CILP2: variants seen among roughly 807,000 people sequenced by gnomAD.
The protein encoded by CILP2 is cartilage intermediate layer protein 2, also known as CILP-2.
CILP2 carries 38 observed loss-of-function variants against 45.6 expected under a neutral mutation model. The observed-to-expected ratio is 0.83, with a 90% CI of 0.64 to 1.09. CILP2 has a LOEUF of 1.09. CILP2 is among the 50% of genes least tolerant of loss of function. The pLI, the probability that CILP2 is intolerant of heterozygous loss-of-function variation, is 0.00. For missense variants in CILP2, 1,735 were observed against 1,662.2 expected (o/e 1.04, Z -0.76); for synonymous variants, 780 against 723.5 (o/e 1.08, Z -1.25).
chr19:19,545,591 G>A lies in CILP2; in HGVS notation c.3046G>A (p.Gly1016Ser), dbSNP rs776697219. 8.1e-6 allele frequency: 13 copies of A among 1,609,340 alleles called. No individual in the cohort carries two copies. In the Admixed American group the frequency reaches 2.2e-4, roughly 27 times the overall value. Reference sequence around the variant, plus strand: ...GACGCTGGTGACCATTATGCCCCAGGGCAGCTGCCGGCGCGTGGCCGTCAA... The same window carrying A: ...GACGCTGGTGACCATTATGCCCCAGAGCAGCTGCCGGCGCGTGGCCGTCAA... ...DRTLVTIMPQ[G>S]SCRRVAVNGL... The change falls in exon 8 of 8, where the codon GGC becomes AGC. Residue 1016 changes from glycine (G) to serine (S), a missense_variant. By Grantham distance (56) the Gly-to-Ser change is moderately conservative. Transcript: ENST00000291495.
Position 19,544,063 on chromosome 19 carries a change from G to C in CILP2, c.1518G>C (p.Gln506His), listed in dbSNP as rs377207032. The change falls in exon 8 of 8, where the codon CAG (glutamine) becomes CAC (histidine). Residue 506 changes from glutamine to histidine, a missense_variant. Transcript: ENST00000291495. Reference protein sequence around the residue: ...GQEPIGFTAYQGDFTIEVPPS... With the variant: ...GQEPIGFTAYHGDFTIEVPPS... ...AGCCCATCGGCTTCACCGCCTACCAGGGCGACTTTACCATTGAGGTGCCGC... is the reference window on the plus strand; with the variant it reads ...AGCCCATCGGCTTCACCGCCTACCACGGCGACTTTACCATTGAGGTGCCGC... 6.2e-7 allele frequency: 1 copy of C among 1,613,930 alleles called. No homozygotes were observed. Among genetic ancestry groups the C allele is most frequent in the Non-Finnish European group, 8.5e-7 (1 of 1,179,990 alleles).
Position 19,543,763 on chromosome 19 carries a change from C to T in CILP2, c.1218C>T (p.Gly406=), listed in dbSNP as rs889122452. Residue 406 remains glycine (G), a synonymous_variant, in exon 8 of 8, where the codon GGC becomes GGT. Coordinates refer to ENST00000291495, the MANE Select transcript of CILP2 (RefSeq NM_153221.2). ...AGGACTGTGGTCAGCCAGGTAGTGGCCCTGCCTACCTGGATGTGGGCCTCT... is the reference window on the plus strand; with the variant it reads ...AGGACTGTGGTCAGCCAGGTAGTGGTCCTGCCTACCTGGATGTGGGCCTCT... ...LPEDCGQPGS[G]PAYLDVGLCP... is the part of the protein sequence containing the mutation. The T allele has an allele frequency of 5.6e-6, 9 of 1,613,736 alleles. No individual in the cohort carries two copies. Among genetic ancestry groups the T allele is most frequent in the Admixed American group, 1.7e-5 (1 of 60,020 alleles).
Position 19,543,807 on chromosome 19 carries a change from C to G in CILP2, c.1262C>G (p.Pro421Arg), listed in dbSNP as rs768629391. 2 of 1,613,740 alleles carry G rather than the reference C, an allele frequency of 1.2e-6. No individual in the cohort carries two copies. Among genetic ancestry groups the G allele is most frequent in the Non-Finnish European group, 8.5e-7 (1 of 1,179,926 alleles). The change falls in exon 8 of 8, where the codon CCC (proline) becomes CGC (arginine). Residue 421 changes from proline to arginine, a missense_variant. Coordinates refer to ENST00000291495, the MANE Select transcript of CILP2 (RefSeq NM_153221.2). ...DVGLCPDTRC[P>R]SLAGSSPRCG... ...GGCCTCTGTCCCGACACCCGCTGCC[C>G]CAGCCTGGCAGGCTCCAGCCCCCGC...
At chr19:19,541,362 A>ATC in intron 4 of CILP2, 116 bp downstream of exon 4, 1 of 921,350 alleles carries the variant, frequency 1.1e-6, no homozygotes, top group Non-Finnish European at 1.4e-6. Context: ...GTAGAGAGGC[A>ATC]GTGCTTCTCC....
chr19:19,545,653 A>T lies in CILP2; in HGVS notation c.3108A>T (p.Pro1036=). 6.2e-7 allele frequency: 1 copy of T among 1,609,446 alleles called. No individual in the cohort carries two copies. ...LLRDYLTRHP[P]PVPAEDPAAF... is the part of the protein sequence containing the mutation. The stretch of plus-strand genomic sequence containing the variant: ...GGGATTACCTGACCCGGCACCCCCC[A>T]CCGGTGCCCGCGGAGGACCCAGCTG... Residue 1036 remains proline, a synonymous_variant, in exon 8 of 8, where the codon CCA becomes CCT. Transcript: ENST00000291495.
Position 19,542,726 on chromosome 19 carries a change from G to A in CILP2, c.868+76G>A. Reference sequence around the variant, plus strand: ...AAGTTCTAGCACTCGATCAAGAGAGGAAGAAATGAGATGTGACACAGTCAT... The same window carrying A: ...AAGTTCTAGCACTCGATCAAGAGAGAAAGAAATGAGATGTGACACAGTCAT... On this transcript the variant is annotated intron_variant, in intron 5 of 7. Transcript: ENST00000291495. The A allele has an allele frequency of 3.8e-6, 6 of 1,593,092 alleles. 1 individual carries two copies. The Admixed American group carries it at 1.0e-4, about 27-fold the overall frequency.
At position 19,544,651 on chromosome 19, in the gene CILP2, C is replaced by A; in HGVS notation, c.2106C>A (p.Ser702=). The change falls in exon 8 of 8, where the codon TCC becomes TCA. Residue 702 remains serine (S), a synonymous_variant. Coordinates refer to ENST00000291495, the MANE Select transcript of CILP2 (RefSeq NM_153221.2). ...EEESGFRREG[S]SGPRVRREER... The stretch of plus-strand genomic sequence containing the variant: ...AGAGCGGCTTCCGGCGCGAGGGGTC[C>A]TCGGGCCCCCGGGTGCGCCGGGAGG... 6.4e-7 allele frequency: 1 copy of A among 1,552,902 alleles called. No homozygotes were observed. The highest frequency in any genetic ancestry group is 8.6e-7 in the Non-Finnish European group (1 of 1,157,568).
chr19:19,545,785 C>T lies in CILP2; in HGVS notation c.3240C>T (p.Cys1080=). Reference sequence around the variant, plus strand: ...CCAAGGAGATCGCCATTGGCCGCTGCTTTGATGGTTCCTCTGACGGCTTCT... The same window carrying T: ...CCAAGGAGATCGCCATTGGCCGCTGTTTTGATGGTTCCTCTGACGGCTTCT... ...RLAKEIAIGR[C]FDGSSDGFSR... is the part of the protein sequence containing the mutation. The change falls in exon 8 of 8, where the codon TGC becomes TGT. Residue 1080 remains cysteine (C), a synonymous_variant. Transcript: ENST00000291495. The T allele has an allele frequency of 6.2e-7, 1 of 1,602,408 alleles. No individual in the cohort carries two copies. Among genetic ancestry groups the T allele is most frequent in the Non-Finnish European group, 8.5e-7 (1 of 1,173,192 alleles).
Position 19,545,608 on chromosome 19 carries a change from G to A in CILP2, c.3063G>A (p.Val1021=). The A allele has an allele frequency of 1.2e-6, 2 of 1,608,562 alleles. No homozygotes were observed. The highest frequency in any genetic ancestry group is 1.3e-5 in the African/African-American group (1 of 74,970). The change falls in exon 8 of 8, where the codon GTG becomes GTA. Residue 1021 remains valine (V), a synonymous_variant. Transcript: ENST00000291495. ...TIMPQGSCRR[V]AVNGLLRDYL... ...TGCCCCAGGGCAGCTGCCGGCGCGT[G>A]GCCGTCAACGGACTCCTTCGGGATT...
At chr19:19,543,182 C>A (rs2061250618) in intron 6 of CILP2, 66 bp from the exon 7 acceptor site, 16 of 1,510,108 alleles carry the variant, frequency 1.1e-5, no homozygotes, top group African/African-American at 1.4e-5. Flanking sequence ...AGCTCCCCAG[C>A]CTGCAGACTG....
Position 19,545,550 on chromosome 19 carries a change from A to G in CILP2, c.3005A>G (p.Gln1002Arg), listed in dbSNP as rs144258296. 25 of 1,612,334 alleles carry G rather than the reference A, an allele frequency of 1.6e-5. No individual in the cohort carries two copies. Among genetic ancestry groups the G allele is most frequent in the Non-Finnish European group, 2.0e-5 (24 of 1,179,678 alleles). ...AAGTGCAGCGGGATGCTGTTCGACC[A>G]GCGGCAGGTGGACAGGACGCTGGTG... ...EFKCSGMLFD[Q>R]RQVDRTLVTI... The change falls in exon 8 of 8, where the codon CAG becomes CGG. Residue 1002 changes from glutamine (Q) to arginine (R), a missense_variant. By Grantham distance (43) the Gln-to-Arg change is conservative. Coordinates refer to ENST00000291495, the MANE Select transcript of CILP2 (RefSeq NM_153221.2).
intron 4 of CILP2, 151 bp downstream of exon 4, chr19:19,541,397 C>A (rs1380846380): frequency 6.8e-6 from 5 of 734,992 alleles, no homozygotes; most frequent in African/African-American, 1.8e-5. Flanking sequence ...AGGGGAGGAG[C>A]TAGTTGGGGG....
Position 19,541,216 on chromosome 19 carries a change from G to C in CILP2, c.562G>C (p.Ala188Pro). 1 of 1,282,914 alleles carries C rather than the reference G, an allele frequency of 7.8e-7. No individual in the cohort carries two copies. The allele number at this position is 1,282,914 out of a possible 1,614,324, so 79.5% of individuals were successfully genotyped here. A position where few individuals can be genotyped will look rare whatever the true frequency, so the allele number is the denominator to read the frequency against. The change falls in exon 4 of 8, where the codon GCG (alanine) becomes CCG (proline). Residue 188 changes from alanine to proline, a missense_variant. Transcript: ENST00000291495. The part of the protein sequence containing the change: ...GDACPGRPLE[A>P]QKCVRPRCPG... ...TGCGTGTCCCGGGCGTCCTCTGGAG[G>C]CGCAGAAGTGCGTGCGGCCTCGGTG...
At position 19,540,427 on chromosome 19, in the gene CILP2, G is replaced by A; in HGVS notation, c.387G>A (p.Pro129=). ...TCTGGTGCCTCAACCGCGAGCAACC[G>A]CGTGGCCGCCGCTGCTCCAACTACC... ...RGFWCLNREQ[P]RGRRCSNYHV... The change falls in exon 3 of 8, where the codon CCG becomes CCA. Residue 129 remains proline (P), a synonymous_variant. Transcript: ENST00000291495. 1.3e-6 allele frequency: 2 copies of A among 1,484,668 alleles called. No homozygotes were observed. The highest frequency in any genetic ancestry group is 1.8e-6 in the Non-Finnish European group (2 of 1,123,178). The allele number at this position is 1,484,668 out of a possible 1,614,324, so 92.0% of individuals were successfully genotyped here.
At position 19,545,587 on chromosome 19, in the gene CILP2, C is replaced by A; in HGVS notation, c.3042C>A (p.Pro1014=). 1.2e-6 allele frequency: 2 copies of A among 1,610,054 alleles called. No homozygotes were observed. Among genetic ancestry groups the A allele is most frequent in the Non-Finnish European group, 1.7e-6 (2 of 1,178,348 alleles). The change falls in exon 8 of 8, where the codon CCC becomes CCA. Residue 1014 remains proline (P), a synonymous_variant. Coordinates refer to ENST00000291495, the MANE Select transcript of CILP2 (RefSeq NM_153221.2). ...QVDRTLVTIM[P]QGSCRRVAVN... is the part of the protein sequence containing the mutation. ...ACAGGACGCTGGTGACCATTATGCCCCAGGGCAGCTGCCGGCGCGTGGCCG... is the reference window on the plus strand; with the variant it reads ...ACAGGACGCTGGTGACCATTATGCCACAGGGCAGCTGCCGGCGCGTGGCCG...
At position 19,545,770 on chromosome 19, in the gene CILP2, C is replaced by T. The variant is rs1280153479; in HGVS notation, c.3225C>T (p.Ile1075=). 3.1e-6 allele frequency: 5 copies of T among 1,606,362 alleles called. No individual in the cohort carries two copies. Among genetic ancestry groups the T allele is most frequent in the East Asian group, 2.2e-5 (1 of 44,750 alleles). The change falls in exon 8 of 8, where the codon ATC becomes ATT. Residue 1075 remains isoleucine (I), a synonymous_variant. Coordinates refer to ENST00000291495, the MANE Select transcript of CILP2 (RefSeq NM_153221.2). ...TDQSPRLAKE[I]AIGRCFDGSS... is the part of the protein sequence containing the mutation. ...AGAGCCCACGCTTGGCCAAGGAGATCGCCATTGGCCGCTGCTTTGATGGTT... is the reference window on the plus strand; with the variant it reads ...AGAGCCCACGCTTGGCCAAGGAGATTGCCATTGGCCGCTGCTTTGATGGTT...
intron 3 of CILP2, 166 bp downstream of exon 3, chr19:19,540,642 G>A: frequency 1.3e-6 from 1 of 794,516 alleles, no homozygotes; most frequent in Non-Finnish European, 1.8e-6. Context: ...TCAGGGGGCG[G>A]GGCCAGGCAG....
Position 19,544,101 on chromosome 19 carries a change from G to A in CILP2, c.1556G>A (p.Arg519Gln), listed in dbSNP as rs774877651. 6.2e-7 allele frequency: 1 copy of A among 1,613,846 alleles called. No homozygotes were observed. The highest frequency in any genetic ancestry group is 1.7e-5 in the Admixed American group (1 of 60,006). ...ATTGAGGTGCCGCCCTCCACCCAGCGGCTGGTGGTGACTTTTGTGGACCCC... is the reference window on the plus strand; with the variant it reads ...ATTGAGGTGCCGCCCTCCACCCAGCAGCTGGTGGTGACTTTTGTGGACCCC... ...FTIEVPPSTQ[R>Q]LVVTFVDPSG... is the part of the protein sequence containing the mutation. Residue 519 changes from arginine to glutamine, a missense_variant, in exon 8 of 8, where the codon CGG (arginine) becomes CAG (glutamine). Physicochemically the swap from Arg to Gln is conservative, Grantham distance 43. Transcript: ENST00000291495.
chr19:19,545,059 C>T lies in CILP2; in HGVS notation c.2514C>T (p.Tyr838=). The change falls in exon 8 of 8, where the codon TAC becomes TAT. Residue 838 remains tyrosine (Y), a synonymous_variant. Coordinates refer to ENST00000291495, the MANE Select transcript of CILP2 (RefSeq NM_153221.2). ...LPATVGVTQP[Y]LDRLGYRRTD... is the part of the protein sequence containing the mutation. ...CCACCGTGGGCGTCACCCAGCCCTA[C>T]CTGGACAGGCTGGGGTACCGTCGGA... is the stretch of plus-strand genomic sequence containing the variant. 6.2e-7 allele frequency: 1 copy of T among 1,609,376 alleles called. No individual in the cohort carries two copies. The highest frequency in any genetic ancestry group is 8.5e-7 in the Non-Finnish European group (1 of 1,178,712).
Sources: allele counts gnomAD v4.1 joint callset, GRCh38; gene constraint gnomAD v4.1.1; transcripts MANE v1.5; gene names NCBI Gene and HGNC (gene_info 2026-07-23, HGNC 2026-07-21).